FSTL5: variants seen among roughly 807,000 people sequenced by gnomAD.
The protein encoded by FSTL5 is follistatin like 5.
In FSTL5, 62 loss-of-function variants were observed where a neutral mutation model predicts 89.1. That is an observed-to-expected ratio of 0.70 (90% CI 0.57 to 0.86). The LOEUF (loss-of-function observed/expected upper bound fraction) is 0.86. Among genes scored for constraint, FSTL5 ranks in the 40% least tolerant of loss-of-function variants. The pLI, the probability that FSTL5 is intolerant of heterozygous loss-of-function variation, is 0.00. For synonymous variants in FSTL5, 383 were observed against 346.2 expected, an observed-to-expected ratio of 1.11 and a Z score of -1.18; for missense variants, 1,057 against 1,001.6, an observed-to-expected ratio of 1.06 and a Z score of -0.75.
At chr4:162,001,176 T>A (rs571627197) in intron 3 of FSTL5, among the ~76,000 whole-genome samples, 1 of 152,324 alleles carries the variant, frequency 6.6e-6, no homozygotes, top group Non-Finnish European at 1.5e-5. Context: ...AATTAGCAGC[T>A]ACCAGCTATA....
intron 2 of FSTL5, among the ~76,000 whole-genome samples, chr4:162,075,813 A>C (rs986784978): frequency 2.6e-5 from 4 of 151,828 alleles, no homozygotes; most frequent in African/African-American, 9.7e-5. Context: ...TGATCGGTTA[A>C]AAACTGAGTT....
chr4:161,685,287 G>A (rs1737674631), intron 6 of FSTL5, among the ~76,000 whole-genome samples: 1 of 152,144 alleles, frequency 6.6e-6, no homozygotes, highest in South Asian at 2.1e-4. Flanking sequence ...TTTGAAGAAT[G>A]ATGGTGGTAT....
intron 7 of FSTL5, among the ~76,000 whole-genome samples, chr4:161,613,313 T>G (rs550751991): frequency 2.0e-5 from 3 of 151,856 alleles, no homozygotes; most frequent in Non-Finnish European, 4.4e-5. Context: ...TAGTTGGGCA[T>G]GATGGCGCAC....
At chr4:161,433,548 T>C (rs1280511328) in intron 15 of FSTL5, among the ~76,000 whole-genome samples, 2 of 151,940 alleles carry the variant, frequency 1.3e-5, no homozygotes, top group East Asian at 3.9e-4. Flanking sequence ...CAGTACTAGA[T>C]TTGCTAGCTA....
At chr4:161,657,186 G>A (rs957580842) in intron 6 of FSTL5, among the ~76,000 whole-genome samples, 1 of 152,070 alleles carries the variant, frequency 6.6e-6, no homozygotes, top group African/African-American at 2.4e-5. Flanking sequence ...TCTGCATATG[G>A]CTTTCCTTTT....
intron 4 of FSTL5, among the ~76,000 whole-genome samples, chr4:161,884,820 C>T (rs1722869713): frequency 6.6e-6 from 1 of 152,080 alleles, no homozygotes; most frequent in African/African-American, 2.4e-5. Context: ...TTTTAAAAAT[C>T]TGAAACTGAT....
At position 161,819,644 on chromosome 4, in the gene FSTL5, G is replaced by A. The variant is rs564411997; in HGVS notation, c.410-43570C>T. On this transcript the variant is annotated intron_variant, in intron 4 of 15. Coordinates refer to ENST00000306100, the MANE Select transcript of FSTL5 (RefSeq NM_020116.5). The stretch of plus-strand genomic sequence containing the variant: ...GCATCATATGGTTCTTTAGTTTAAT[G>A]AAGAAAATTTGGGGCTAGAAAAAAA... Among the ~76,000 whole-genome samples the A allele has an allele frequency of 2.6e-5, 4 of 151,302 alleles. No individual in the cohort carries two copies. In the East Asian group the frequency reaches 5.8e-4, roughly 22 times the overall value.
At chr4:161,508,203 A>G (rs902706123) in intron 11 of FSTL5, among the ~76,000 whole-genome samples, 1 of 152,108 alleles carries the variant, frequency 6.6e-6, no homozygotes, top group Non-Finnish European at 1.5e-5. Context: ...CATTATTACT[A>G]TTAGTACATG....
intron 8 of FSTL5, among the ~76,000 whole-genome samples, chr4:161,578,615 G>C (rs923289181): frequency 6.6e-6 from 1 of 151,960 alleles, no homozygotes; most frequent in Non-Finnish European, 1.5e-5. Context: ...AGTCCAAGTA[G>C]CTGAGTTATC....
At chr4:161,933,120 G>A (rs977406190) in intron 3 of FSTL5, among the ~76,000 whole-genome samples, 5 of 152,026 alleles carry the variant, frequency 3.3e-5, no homozygotes, top group South Asian at 4.1e-4. Flanking sequence ...TGGCCGACAC[G>A]CATGGCGGGT....
At chr4:161,845,437 T>C (rs1330365034) in intron 4 of FSTL5, among the ~76,000 whole-genome samples, 2 of 152,210 alleles carry the variant, frequency 1.3e-5, no homozygotes, top group Non-Finnish European at 2.9e-5. Flanking sequence ...GGAAAATCCA[T>C]CTCACTGTTT....
chr4:161,748,857 C>T (rs1050203573), intron 6 of FSTL5, among the ~76,000 whole-genome samples: 4 of 151,102 alleles, frequency 2.6e-5, no homozygotes, highest in African/African-American at 4.9e-5. Context: ...TTATTGAACT[C>T]GACAAAGGAC....
intron 1 of FSTL5, among the ~76,000 whole-genome samples, chr4:162,158,286 C>G (rs1026736463): frequency 2.0e-5 from 3 of 151,936 alleles, no homozygotes; most frequent in African/African-American, 7.2e-5. Flanking sequence ...GTTTGAGGCA[C>G]CAAGGGAAAC....
intron 8 of FSTL5, among the ~76,000 whole-genome samples, chr4:161,583,804 T>C (rs1733515608): frequency 6.6e-6 from 1 of 152,196 alleles, no homozygotes. Flanking sequence ...AGAAAATGCT[T>C]TGAGGTATTG....
chr4:161,662,786 T>G (rs1046340225), intron 6 of FSTL5, among the ~76,000 whole-genome samples: 1 of 152,124 alleles, frequency 6.6e-6, no homozygotes, highest in African/African-American at 2.4e-5. Flanking sequence ...AACAAAAAAC[T>G]AGGCTAATTC....
At chr4:161,403,862 G>A (rs1731269126) in intron 15 of FSTL5, among the ~76,000 whole-genome samples, 1 of 152,188 alleles carries the variant, frequency 6.6e-6, no homozygotes, top group Non-Finnish European at 1.5e-5. Flanking sequence ...CTTTGTTGGA[G>A]TCTGGGAAAA....
chr4:161,726,709 A>C (rs1739432175), intron 6 of FSTL5, among the ~76,000 whole-genome samples: 1 of 152,132 alleles, frequency 6.6e-6, no homozygotes, highest in Non-Finnish European at 1.5e-5. Context: ...CCCTTTCACT[A>C]TAAGAAATGT....
At chr4:161,490,156 T>C (rs1729815666) in intron 12 of FSTL5, among the ~76,000 whole-genome samples, 1 of 152,110 alleles carries the variant, frequency 6.6e-6, no homozygotes. Flanking sequence ...GTGGAATAAA[T>C]TTCATTATTT....
intron 14 of FSTL5, among the ~76,000 whole-genome samples, chr4:161,457,950 G>A (rs1733421405): frequency 6.6e-6 from 1 of 152,204 alleles, no homozygotes; most frequent in Admixed American, 6.5e-5. Flanking sequence ...TGAATATGAT[G>A]TAGCAAAATT....
Sources: allele counts gnomAD v4.1 joint callset (sites outside exome capture counted in the v4.1 genomes callset), GRCh38; gene constraint gnomAD v4.1.1; transcripts MANE v1.5; gene names NCBI Gene and HGNC (gene_info 2026-07-23, HGNC 2026-07-21).